Variants in PCDHA1 observed in about 807,000 individuals in gnomAD.
The protein encoded by PCDHA1 is protocadherin alpha-1.
In PCDHA1, 42 loss-of-function variants were observed where a neutral mutation model predicts 61.3. That is an observed-to-expected ratio of 0.69 (90% CI 0.54 to 0.89). The LOEUF is 0.89. Among genes scored for constraint, PCDHA1 ranks in the 40% least tolerant of loss-of-function variants. The pLI, the probability that PCDHA1 is intolerant of heterozygous loss-of-function variation, is 0.00. For synonymous variants in PCDHA1, 610 were observed against 553.8 expected, an observed-to-expected ratio of 1.10 and a Z score of -1.43; for missense variants, 1,256 against 1,235.3, an observed-to-expected ratio of 1.02 and a Z score of -0.25.
intron 1 of PCDHA1, chr5:140,856,305 A>G (rs782323132): frequency 1.9e-6 from 3 of 1,598,594 alleles, no homozygotes; most frequent in Non-Finnish European, 2.6e-6. Flanking sequence ...TTGTTTGTGA[A>G]TTCTCGGATT....
intron 1 of PCDHA1, chr5:140,828,354 C>A (rs1554131244): frequency 2.5e-6 from 4 of 1,614,264 alleles, no homozygotes; most frequent in East Asian, 4.5e-5. Flanking sequence ...TTTGTGAATT[C>A]TCGGATCGAC....
At chr5:140,861,746 A>G (rs1163368847) in intron 1 of PCDHA1, 1 of 145,142 alleles carries the variant, frequency 6.9e-6, no homozygotes, top group African/African-American at 2.8e-5. Context: ...ACTGTGCCGC[A>G]ATGATTATTT....
At chr5:140,849,934 G>A (rs2150458402) in intron 1 of PCDHA1, 1 of 1,598,054 alleles carries the variant, frequency 6.3e-7, no homozygotes, top group East Asian at 2.2e-5. Context: ...GTGTCTGCGC[G>A]GGACGCTGAC....
intron 1 of PCDHA1, among the ~76,000 whole-genome samples, chr5:140,879,621 T>G (rs1050176793): frequency 5.9e-5 from 9 of 152,076 alleles, no homozygotes; most frequent in African/African-American, 2.2e-4. Context: ...GGTACTTAGG[T>G]GGGTAAGTGT....
At chr5:141,002,220 G>A (rs2098065627) in intron 3 of PCDHA1, among the ~76,000 whole-genome samples, 1 of 152,196 alleles carries the variant, frequency 6.6e-6, no homozygotes. Context: ...TCAAAATGAT[G>A]GGTTTTCTGG....
At chr5:140,877,334 C>T (rs375199455) in intron 1 of PCDHA1, 1 of 1,614,002 alleles carries the variant, frequency 6.2e-7, no homozygotes, top group Non-Finnish European at 8.5e-7. Flanking sequence ...GCGCACATCC[C>T]GTTCCACGTG....
chr5:140,892,232 T>C (rs2063437812), intron 1 of PCDHA1, among the ~76,000 whole-genome samples: 1 of 152,176 alleles, frequency 6.6e-6, no homozygotes, highest in African/African-American at 2.4e-5. Context: ...GTGTTTTGTC[T>C]CCACATAAAC....
At chr5:140,829,647 C>CGGAGA in intron 1 of PCDHA1, 1 of 1,612,324 alleles carries the variant, frequency 6.2e-7, no homozygotes, top group Non-Finnish European at 8.5e-7. Context: ...AAGGTGTACG[C>CGGAGA]GCTGCAGCCG....
In PCDHA1 at chr5:140,848,765, C is replaced by A; in HGVS notation, c.2394+60081C>A. ...GCATTTTGTTTGTGAATTCTCGGAT[C>A]GACCGCGAGGAGCTGTGCGGGCGGA... On this transcript the variant is annotated intron_variant, in intron 1 of 3. Coordinates refer to ENST00000504120, the MANE Select transcript of PCDHA1 (RefSeq NM_018900.4). 3.8e-6 allele frequency: 6 copies of A among 1,593,356 alleles called. 1 individual carries two copies. The highest frequency in any genetic ancestry group is 2.2e-5 in the South Asian group (2 of 90,232).
intron 1 of PCDHA1, among the ~76,000 whole-genome samples, chr5:140,890,695 A>T (rs1196447488): frequency 6.6e-6 from 1 of 152,200 alleles, no homozygotes; most frequent in Non-Finnish European, 1.5e-5. Context: ...AAATGCAGGG[A>T]CCTTACATTT....
At position 140,912,557 on chromosome 5, in the gene PCDHA1, A is replaced by T. The variant is rs1220242152; in HGVS notation, c.2395-66392A>T. On this transcript the variant is annotated intron_variant, in intron 1 of 3. Transcript: ENST00000504120. ...GATCATATTGTCAGCAAACAGCAAC[A>T]GTTTTAACTTCCTCTTTTCCAATTT... Among the ~76,000 whole-genome samples the T allele has an allele frequency of 4.6e-5, 7 of 152,154 alleles. No individual in the cohort carries two copies. The South Asian group carries it at 1.5e-3, about 32-fold the overall frequency.
At chr5:140,965,318 C>T (rs1397101710) in intron 1 of PCDHA1, among the ~76,000 whole-genome samples, 1 of 152,104 alleles carries the variant, frequency 6.6e-6, no homozygotes, top group Non-Finnish European at 1.5e-5. Flanking sequence ...TTCTCTTTTA[C>T]TGAAGTGAAT....
At chr5:140,809,031 C>G (rs1554124952) in intron 1 of PCDHA1, 2 of 1,613,858 alleles carry the variant, frequency 1.2e-6, no homozygotes, top group Non-Finnish European at 1.7e-6. Context: ...CAGCCGGGGA[C>G]TGGTGGCGCG....
At chr5:140,939,603 CAG>C (rs2092419919) in intron 1 of PCDHA1, among the ~76,000 whole-genome samples, 2 of 152,068 alleles carry the variant, frequency 1.3e-5, no homozygotes, top group Non-Finnish European at 2.9e-5. Flanking sequence ...TGCTCAAAAA[CAG>C]AACAAGGAGA....
intron 1 of PCDHA1, chr5:140,875,418 G>A: frequency 6.6e-7 from 1 of 1,515,104 alleles, no homozygotes; most frequent in Non-Finnish European, 8.8e-7. Flanking sequence ...AAATACCTCA[G>A]GCAAGCGATC....
At chr5:140,859,848 G>C (rs1455422999) in intron 1 of PCDHA1, 1 of 151,860 alleles carries the variant, frequency 6.6e-6, no homozygotes, top group South Asian at 2.1e-4. Flanking sequence ...TTATCAAATA[G>C]GTTTATGAAA....
intron 1 of PCDHA1, among the ~76,000 whole-genome samples, chr5:140,888,153 G>A (rs2061714988): frequency 6.6e-6 from 1 of 152,056 alleles, no homozygotes; most frequent in African/African-American, 2.4e-5. Context: ...TTGCATGACT[G>A]GTAATCTCTA....
chr5:140,870,397 C>T (rs1554164199), intron 1 of PCDHA1: 2 of 1,614,230 alleles, frequency 1.2e-6, no homozygotes, highest in South Asian at 1.1e-5. Flanking sequence ...TGGGGGTTCG[C>T]CTTCTCTGTG....
At position 140,849,698 on chromosome 5, in the gene PCDHA1, C is replaced by A. The variant is rs2150445577; in HGVS notation, c.2394+61014C>A. 5 of 1,598,548 alleles carry A rather than the reference C, an allele frequency of 3.1e-6. No individual in the cohort carries two copies. The East Asian group carries it at 1.1e-4, about 36-fold the overall frequency. ...TCCCCTTCAAGCTGGTGTCCACCTA[C>A]AAGAATTACTACTCGTTGGTGCTGG... On this transcript the variant is annotated intron_variant, in intron 1 of 3. Coordinates refer to ENST00000504120, the MANE Select transcript of PCDHA1 (RefSeq NM_018900.4).
Sources: gnomAD v4.1 joint callset for allele counts (sites outside exome capture counted in the v4.1 genomes callset) on GRCh38, gnomAD v4.1.1 for gene constraint, MANE v1.5 for transcripts, NCBI Gene and HGNC (gene_info 2026-07-23, HGNC 2026-07-21) for gene names.